RORA: variants seen among roughly 807,000 people sequenced by gnomAD.
RORA encodes the protein nuclear receptor ROR-alpha.
RORA carries 7 observed loss-of-function variants against 69.5 expected under a neutral mutation model. That is an observed-to-expected ratio of 0.10 (90% CI 0.06 to 0.19). The LOEUF (loss-of-function observed/expected upper bound fraction) is 0.19, where lower values mean the gene tolerates loss of function less well. Ranked by LOEUF, RORA falls within the 10% of genes least tolerant of loss-of-function variation. RORA has a pLI of 1.00. For synonymous variants in RORA, 261 were observed against 240.8 expected, an observed-to-expected ratio of 1.08 and a Z score of -0.78; for missense variants, 457 against 663.0, an observed-to-expected ratio of 0.69 and a Z score of 3.41.
intron 1 of RORA, among the ~76,000 whole-genome samples, chr15:60,820,167 C>T (rs2445927): frequency 0.27 from 41,137 of 152,246 alleles, 5,853 homozygotes; most frequent in Admixed American, 0.36. Context: ...CAGGACGCTG[C>T]ACTCCACCTC....
intron 1 of RORA, among the ~76,000 whole-genome samples, chr15:60,943,129 T>A (rs1016156808): frequency 5.3e-5 from 8 of 152,216 alleles, no homozygotes; most frequent in African/African-American, 1.9e-4. Context: ...TAGCTATGCA[T>A]AGTAGCATCT....
chr15:60,789,846 C>G (rs2072390398), intron 1 of RORA, among the ~76,000 whole-genome samples: 1 of 152,154 alleles, frequency 6.6e-6, no homozygotes. Flanking sequence ...TTGTAACAAG[C>G]ATTCAATAAA....
At chr15:60,608,669 G>A (rs554107943) in intron 2 of RORA, among the ~76,000 whole-genome samples, 28 of 152,268 alleles carry the variant, frequency 1.8e-4, no homozygotes, top group African/African-American at 6.7e-4. Flanking sequence ...GAAACAGGAG[G>A]CTGTTTTTTA....
At chr15:60,755,070 G>C (rs1467566731) in intron 1 of RORA, among the ~76,000 whole-genome samples, 2 of 150,016 alleles carry the variant, frequency 1.3e-5, no homozygotes, top group Non-Finnish European at 3.0e-5. Context: ...TGCCATGTTG[G>C]TGTGCTGCAC....
At chr15:60,704,663 A>G (rs1350404283) in intron 1 of RORA, among the ~76,000 whole-genome samples, 2 of 152,258 alleles carry the variant, frequency 1.3e-5, no homozygotes, top group African/African-American at 4.8e-5. Flanking sequence ...GAAAGAACGT[A>G]GAGATAGAAC....
At chr15:60,753,268 C>T (rs957602037) in intron 1 of RORA, among the ~76,000 whole-genome samples, 2 of 152,172 alleles carry the variant, frequency 1.3e-5, no homozygotes, top group Admixed American at 6.5e-5. Context: ...GTTTTCTTAC[C>T]CAAGATAGCA....
intron 1 of RORA, among the ~76,000 whole-genome samples, chr15:61,161,330 G>A (rs2079494113): frequency 6.6e-6 from 1 of 152,194 alleles, no homozygotes; most frequent in Non-Finnish European, 1.5e-5. Flanking sequence ...ATTTTATTTA[G>A]GCAGTATGAT....
chr15:60,631,866 T>G (rs764719310), intron 2 of RORA, among the ~76,000 whole-genome samples: 65 of 152,200 alleles, frequency 4.3e-4, no homozygotes, highest in Admixed American at 1.1e-3. Context: ...CTGGGGCGAT[T>G]TGGCAGGGCC....
intron 1 of RORA, among the ~76,000 whole-genome samples, chr15:61,095,050 A>T (rs565667488): frequency 6.6e-6 from 1 of 152,238 alleles, no homozygotes; most frequent in Non-Finnish European, 1.5e-5. Context: ...TGGGGACTCA[A>T]TAAAGGTTAC....
chr15:60,837,849 A>T (rs1199405268), intron 1 of RORA, among the ~76,000 whole-genome samples: 1 of 152,068 alleles, frequency 6.6e-6, no homozygotes, highest in Non-Finnish European at 1.5e-5. Context: ...GGAGCAATTG[A>T]GTTGTCCGCT....
At position 60,905,420 on chromosome 15, in the gene RORA, T is replaced by C. The variant is rs1216124666; in HGVS notation, c.167-226734A>G. 1.3e-5 allele frequency among the ~76,000 whole-genome samples: 2 copies of C among 152,206 alleles called. No homozygotes were observed. Among genetic ancestry groups the C allele is most frequent in the Non-Finnish European group, 2.9e-5 (2 of 68,036 alleles). The stretch of plus-strand genomic sequence containing the variant: ...TTTTTTCTGTGTATTTTTTTTTCTT[T>C]TTAAACAGGGACCACTGTGCTTCCT... On this transcript the variant is annotated intron_variant, in intron 1 of 10. Transcript: ENST00000335670. This position sits in a 1 kb window ranked among gnomAD's most constrained non-coding sequence, Gnocchi z 4.8.
intron 1 of RORA, among the ~76,000 whole-genome samples, chr15:60,925,808 C>G (rs773610761): frequency 1.3e-5 from 2 of 152,186 alleles, no homozygotes; most frequent in Non-Finnish European, 2.9e-5. Flanking sequence ...TCTGCTGGTA[C>G]TCAGGACAGT....
At chr15:60,515,715 A>G (rs2065844099) in intron 3 of RORA, among the ~76,000 whole-genome samples, 1 of 141,748 alleles carries the variant, frequency 7.1e-6, no homozygotes, top group Non-Finnish European at 1.5e-5. Context: ...ATTTAGAGGC[A>G]TATTTCTTAA....
At chr15:60,945,308 G>T (rs923176437) in intron 1 of RORA, among the ~76,000 whole-genome samples, 3 of 152,122 alleles carry the variant, frequency 2.0e-5, no homozygotes, top group Non-Finnish European at 4.4e-5. Flanking sequence ...GACATTACAG[G>T]GCTGATATCT....
At chr15:60,622,759 A>G (rs560165111) in intron 2 of RORA, among the ~76,000 whole-genome samples, 33 of 152,264 alleles carry the variant, frequency 2.2e-4, no homozygotes, top group Admixed American at 1.8e-3. Flanking sequence ...TGTGTCACCC[A>G]GGCTGGGGTG....
At chr15:61,060,498 C>T (rs1201054838) in intron 1 of RORA, among the ~76,000 whole-genome samples, 3 of 152,156 alleles carry the variant, frequency 2.0e-5, no homozygotes, top group East Asian at 3.9e-4. Flanking sequence ...CAAGGGTGAC[C>T]GTGAGGTTCA....
At chr15:60,858,848 C>T (rs1332480521) in intron 1 of RORA, among the ~76,000 whole-genome samples, 1 of 152,130 alleles carries the variant, frequency 6.6e-6, no homozygotes, top group Non-Finnish European at 1.5e-5. Context: ...ATACCCTCAG[C>T]TTGGTGCTTC....
At chr15:61,220,366 A>G (rs2080084054) in intron 1 of RORA, among the ~76,000 whole-genome samples, 1 of 152,114 alleles carries the variant, frequency 6.6e-6, no homozygotes, top group Admixed American at 6.5e-5. Context: ...TTCATCATCC[A>G]CTGGTTTTAT....
intron 1 of RORA, among the ~76,000 whole-genome samples, chr15:61,046,582 G>A (rs1897040313): frequency 6.6e-6 from 1 of 152,218 alleles, no homozygotes. Flanking sequence ...TGCAAATGCA[G>A]GGTGATCCCC....
Sources: allele counts gnomAD v4.1 joint callset (sites outside exome capture counted in the v4.1 genomes callset), GRCh38; gene constraint gnomAD v4.1.1; non-coding constraint Gnocchi (gnomAD v3.1); transcripts MANE v1.5; gene names NCBI Gene and HGNC (gene_info 2026-07-23, HGNC 2026-07-21).